PTPN9: variants seen among roughly 807,000 people sequenced by gnomAD.
PTPN9 encodes tyrosine-protein phosphatase non-receptor type 9.
A neutral mutation model predicts 69.8 loss-of-function variants in PTPN9; 26 were observed. That is an observed-to-expected ratio of 0.37 (90% confidence interval 0.27 to 0.52). The LOEUF is 0.52. Among genes scored for constraint, PTPN9 ranks in the 20% least tolerant of loss-of-function variants. PTPN9 has a pLI of 0.91. For synonymous variants in PTPN9, 274 were observed against 272.5 expected, an observed-to-expected ratio of 1.01 and a Z score of -0.05; for missense variants, 549 against 740.3, an observed-to-expected ratio of 0.74 and a Z score of 3.00.
chr15:75,520,881 G>A (rs1248191011), intron 4 of PTPN9, among the ~76,000 whole-genome samples: 2 of 152,094 alleles, frequency 1.3e-5, no homozygotes, highest in Admixed American at 6.6e-5. Context: ...ATGGCGCACT[G>A]TAGCCTCGAC....
At chr15:75,576,996 T>A (rs2075176838) in intron 1 of PTPN9, among the ~76,000 whole-genome samples, 2 of 152,156 alleles carry the variant, frequency 1.3e-5, no homozygotes, top group African/African-American at 4.8e-5. Context: ...GATAAGATTT[T>A]AAAAACACAC....
At chr15:75,510,816 G>A (rs2074842136) in intron 5 of PTPN9, among the ~76,000 whole-genome samples, 1 of 151,934 alleles carries the variant, frequency 6.6e-6, no homozygotes. Flanking sequence ...TTCATTTTCA[G>A]AACTATTTCA....
chr15:75,574,303 A>C (rs2075161866), intron 1 of PTPN9, among the ~76,000 whole-genome samples: 2 of 151,184 alleles, frequency 1.3e-5, no homozygotes, highest in East Asian at 3.9e-4. Context: ...AAAAAAAAAA[A>C]GGCAACCAGA....
intron 4 of PTPN9, among the ~76,000 whole-genome samples, chr15:75,522,015 C>G (rs1423288821): frequency 6.6e-6 from 1 of 152,116 alleles, no homozygotes; most frequent in African/African-American, 2.4e-5. Flanking sequence ...CTCAATATAG[C>G]ACTTCTAATC....
chr15:75,571,431 ATAAAAT>A lies in PTPN9; in HGVS notation c.63+7277_63+7282del, dbSNP rs1399805943. Among the ~76,000 whole-genome samples, 5 of 152,236 alleles carry A rather than the reference ATAAAAT, an allele frequency of 3.3e-5. 1 individual carries two copies. In the South Asian group the frequency reaches 8.3e-4, roughly 25 times the overall value. ...AAGAATTTTCAAAAAAAGAAAAAAC[ATAAAAT>A]TAAAATAAAAAAAGAAACAAAAATA... On this transcript the variant is annotated intron_variant, in intron 1 of 12. Transcript: ENST00000618819.
chr15:75,510,131 G>C (rs939479534), intron 5 of PTPN9, among the ~76,000 whole-genome samples: 2 of 151,488 alleles, frequency 1.3e-5, no homozygotes, highest in Admixed American at 1.3e-4. Flanking sequence ...TGTGCACTAT[G>C]GCAAATGAGA....
chr15:75,500,827 C>G (rs1338995662), intron 7 of PTPN9, among the ~76,000 whole-genome samples: 1 of 151,836 alleles, frequency 6.6e-6, no homozygotes, highest in Non-Finnish European at 1.5e-5. Flanking sequence ...ATGGAGGCTG[C>G]AGTGAGCCAT....
At chr15:75,523,003 G>A (rs1270577800) in intron 4 of PTPN9, 118 bp downstream of exon 4, 12 of 1,204,720 alleles carry the variant, frequency 1.0e-5, no homozygotes, top group Non-Finnish European at 1.4e-5. Context: ...TCTATTCATA[G>A]CATTGCCCAG....
chr15:75,471,270 AAAAAAGAAAAAG>A (rs955877755), intron 10 of PTPN9, among the ~76,000 whole-genome samples: 3 of 152,102 alleles, frequency 2.0e-5, no homozygotes, highest in Admixed American at 2.0e-4. Context: ...ACTCCATCTC[AAAAAAGAAAAAG>A]AAAAAGAAAA....
chr15:75,535,519 GTTGAT>G (rs577101602), intron 1 of PTPN9, among the ~76,000 whole-genome samples: 44 of 152,284 alleles, frequency 2.9e-4, no homozygotes, highest in African/African-American at 1.0e-3. Context: ...AGAAACAGGT[GTTGAT>G]TACAGGTGTT....
intron 9 of PTPN9, among the ~76,000 whole-genome samples, chr15:75,476,045 G>T (rs1482846417): frequency 2.0e-5 from 3 of 152,144 alleles, no homozygotes; most frequent in African/African-American, 7.2e-5. Context: ...AGACTGAGGT[G>T]AGAGGATCAC....
chr15:75,483,564 G>A (rs561278353), intron 8 of PTPN9, among the ~76,000 whole-genome samples: 29 of 152,326 alleles, frequency 1.9e-4, no homozygotes, highest in African/African-American at 6.7e-4. Context: ...AATAGGTAGC[G>A]ACTGCCAAGG....
chr15:75,514,277 G>A (rs188117843), intron 5 of PTPN9, among the ~76,000 whole-genome samples: 4 of 151,700 alleles, frequency 2.6e-5, no homozygotes, highest in East Asian at 1.9e-4. Flanking sequence ...TTGAAAAACT[G>A]CATGAAACTA....
chr15:75,475,589 A>G (rs1450190962), intron 9 of PTPN9, among the ~76,000 whole-genome samples: 2 of 149,242 alleles, frequency 1.3e-5, no homozygotes, highest in South Asian at 2.1e-4. Context: ...CCATCTCAAG[A>G]AAAAAAAAAC....
At chr15:75,529,972 C>T (rs1488325552) in intron 1 of PTPN9, among the ~76,000 whole-genome samples, 1 of 151,026 alleles carries the variant, frequency 6.6e-6, no homozygotes, top group Non-Finnish European at 1.5e-5. Context: ...TTTGGGAGGC[C>T]GAGGGCAGAT....
intron 9 of PTPN9, among the ~76,000 whole-genome samples, chr15:75,479,314 A>G (rs1239225557): frequency 1.3e-5 from 2 of 151,474 alleles, no homozygotes; most frequent in Non-Finnish European, 2.9e-5. Flanking sequence ...TTCAAAGGAG[A>G]AAAAAAAATG....
intron 8 of PTPN9, among the ~76,000 whole-genome samples, chr15:75,486,781 GTTTTTTTT>G (rs34430924): frequency 2.5e-5 from 3 of 118,528 alleles, no homozygotes; most frequent in African/African-American, 1.0e-4. Context: ...CATATGTGGT[GTTTTTTTT>G]TTTTTTTTTT....
chr15:75,511,750 G>A (rs1177638250), intron 5 of PTPN9, among the ~76,000 whole-genome samples: 2 of 151,990 alleles, frequency 1.3e-5, no homozygotes, highest in Non-Finnish European at 2.9e-5. Flanking sequence ...TATGACATAG[G>A]TAATTTAATT....
chr15:75,495,969 C>A (rs962355727), intron 7 of PTPN9, among the ~76,000 whole-genome samples: 1 of 151,722 alleles, frequency 6.6e-6, no homozygotes, highest in African/African-American at 2.4e-5. Flanking sequence ...GAAACCCCAT[C>A]TCTACCAAAA....
Sources: gnomAD v4.1 joint callset for allele counts (sites outside exome capture counted in the v4.1 genomes callset) on GRCh38, gnomAD v4.1.1 for gene constraint, MANE v1.5 for transcripts, NCBI Gene and HGNC (gene_info 2026-07-23, HGNC 2026-07-21) for gene names.